Variants in SGSM3 observed in about 807,000 individuals in gnomAD.
The protein encoded by SGSM3 is RUN and SH3 containing 3.
In SGSM3, 96 loss-of-function variants were observed where a neutral mutation model predicts 100.5. The observed-to-expected ratio is 0.96, with a 90% CI of 0.81 to 1.13. The LOEUF (loss-of-function observed/expected upper bound fraction) is 1.13. SGSM3 is among the 50% of genes most tolerant of loss of function. The pLI is 0.00. For synonymous variants in SGSM3, 483 were observed against 422.8 expected, an observed-to-expected ratio of 1.14 and a Z score of -1.75; for missense variants, 1,001 against 1,015.8, an observed-to-expected ratio of 0.99 and a Z score of 0.20.
chr22:40,409,425 G>T (rs1274473197), intron 20 of SGSM3, 40 bp from the exon 21 acceptor site: 1 of 1,568,234 alleles, frequency 6.4e-7, no homozygotes. Context: ...AGGGCTAGCT[G>T]GGGGTGACAA....
chr22:40,410,095 C>CTGTCTGTCT lies in SGSM3; in HGVS notation c.*341_*342insGTCTTGTCT. ...TCTTTGGTTTATAAATAAACTGTGT[C>CTGTCTGTCT]TGTCTTTGAGAAAGCACCTACCTGT... On this transcript the variant is annotated 3_prime_UTR_variant, in exon 22 of 22. Transcript: ENST00000248929. The CTGTCTGTCT allele has an allele frequency of 8.3e-7, 1 of 1,199,602 alleles. No homozygotes were observed. Among genetic ancestry groups the CTGTCTGTCT allele is most frequent in the Non-Finnish European group, 1.0e-6 (1 of 965,490 alleles). 74.3% of individuals were successfully genotyped at this position (1,199,602 alleles called of 1,614,324 possible).
At chr22:40,381,157 CT>C (rs950258395) in intron 1 of SGSM3, among the ~76,000 whole-genome samples, 2 of 149,928 alleles carry the variant, frequency 1.3e-5, no homozygotes, top group Non-Finnish European at 3.0e-5. Context: ...TTTTCTTTTT[CT>C]TTTTTTTGAG....
Position 40,408,709 on chromosome 22 carries a change from C to G in SGSM3, c.1853+12C>G. On this transcript the variant is annotated intron_variant, in intron 17 of 21. Transcript: ENST00000248929. Reference sequence around the variant, plus strand: ...TGTAAGACCTTCAGGTAACTCGGCCCGGGTTCTTCTGGTGGGGTCACCAGC... The same window carrying G: ...TGTAAGACCTTCAGGTAACTCGGCCGGGGTTCTTCTGGTGGGGTCACCAGC... The G allele has an allele frequency of 3.7e-6, 6 of 1,613,980 alleles. No homozygotes were observed. Among genetic ancestry groups the G allele is most frequent in the Non-Finnish European group, 5.1e-6 (6 of 1,180,034 alleles).
chr22:40,404,752 C>G, intron 6 of SGSM3, 88 bp downstream of exon 6: 22 of 932,520 alleles, frequency 2.4e-5, no homozygotes, highest in Non-Finnish European at 3.7e-5. Flanking sequence ...TTAGAGTGTG[C>G]CCTTGTTGTG....
rs1244805399 is a variant in SGSM3 at position 40,407,900 on chromosome 22, G to C, written c.1579+57G>C. 6.5e-7 allele frequency: 1 copy of C among 1,542,968 alleles called. No homozygotes were observed. The highest frequency in any genetic ancestry group is 8.8e-7 in the Non-Finnish European group (1 of 1,131,530). ...GAGGGAGGAGGGGGTGGGCACAGAA[G>C]ACTTGGGTGACCCTGGCCGCCACCA... On this transcript the variant is annotated intron_variant, in intron 14 of 21. Transcript: ENST00000248929. This position sits in a 1 kb window ranked among gnomAD's most constrained non-coding sequence, Gnocchi z 4.7.
chr22:40,385,635 G>C (rs976312928), intron 1 of SGSM3, among the ~76,000 whole-genome samples: 1 of 152,212 alleles, frequency 6.6e-6, no homozygotes, highest in African/African-American at 2.4e-5. Context: ...CTTCGTTAAA[G>C]CTGGAGTACA....
At chr22:40,401,767 C>A in intron 3 of SGSM3, 92 bp downstream of exon 3, 1 of 1,027,734 alleles carries the variant, frequency 9.7e-7, no homozygotes, top group Non-Finnish European at 1.5e-6. Flanking sequence ...AAGAGGTGGC[C>A]AACTCACACA....
At chr22:40,383,851 G>A (rs1367978852) in intron 1 of SGSM3, among the ~76,000 whole-genome samples, 2 of 152,202 alleles carry the variant, frequency 1.3e-5, no homozygotes, top group African/African-American at 4.8e-5. Context: ...CAGAAAAGTG[G>A]CAGGGAGGGT....
chr22:40,384,939 C>G (rs1193062137), intron 1 of SGSM3, among the ~76,000 whole-genome samples: 1 of 152,152 alleles, frequency 6.6e-6, no homozygotes, highest in African/African-American at 2.4e-5. Context: ...TAGGGATGGA[C>G]TCCCCATTTG....
intron 7 of SGSM3, 68 bp downstream of exon 7, chr22:40,405,352 C>T: frequency 1.5e-6 from 2 of 1,375,250 alleles, no homozygotes; most frequent in South Asian, 1.6e-5. Flanking sequence ...CAAGGAGTGG[C>T]CTCCCGCTAC....
intron 1 of SGSM3, chr22:40,376,642 A>C (rs1206312696): frequency 2.0e-5 from 3 of 152,154 alleles, no homozygotes; most frequent in African/African-American, 7.2e-5. Flanking sequence ...CATCAACCCT[A>C]TGTATTGCTA....
intron 6 of SGSM3, 22 bp from the exon 7 acceptor site, chr22:40,405,119 G>C (rs374676237): frequency 6.7e-7 from 1 of 1,482,722 alleles, no homozygotes; most frequent in Non-Finnish European, 9.0e-7. Flanking sequence ...TGTTATTGTG[G>C]GTGCCGATGG....
In SGSM3 at chr22:40,405,651, GGCCGCCT is replaced by G. The variant is rs1419828666; in HGVS notation, c.625_631del (p.Ala209SerfsTer13). The G allele has an allele frequency of 1.9e-6, 3 of 1,612,004 alleles. No homozygotes were observed. Among genetic ancestry groups the G allele is most frequent in the East Asian group, 2.2e-5 (1 of 44,870 alleles). ...CCTTGTCCCTGTGCCCTGGCCAGGT[GGCCGCCT>G]GCCTCCTGCTGTTCCTGGAGGAGGA... On this transcript the variant is annotated frameshift_variant, in exon 8 of 22. Coordinates refer to ENST00000248929, the MANE Select transcript of SGSM3 (RefSeq NM_015705.6). LOFTEE classifies it high-confidence loss of function.
intron 4 of SGSM3, 119 bp from the exon 5 acceptor site, chr22:40,404,128 T>A: frequency 1.3e-6 from 1 of 766,676 alleles, no homozygotes; most frequent in Non-Finnish European, 2.0e-6. Flanking sequence ...CTGGATATGG[T>A]GGGAGAGAGC....
At chr22:40,394,136 G>A (rs530030119) in intron 1 of SGSM3, among the ~76,000 whole-genome samples, 1 of 152,242 alleles carries the variant, frequency 6.6e-6, no homozygotes, top group East Asian at 1.9e-4. Flanking sequence ...CTAGTTCTGC[G>A]CTATGCTGAT....
At position 40,408,267 on chromosome 22, in the gene SGSM3, C is replaced by T. The variant is rs780596528; in HGVS notation, c.1630-10C>T. 5 of 1,613,134 alleles carry T rather than the reference C, an allele frequency of 3.1e-6. No homozygotes were observed. The highest frequency in any genetic ancestry group is 4.2e-6 in the Non-Finnish European group (5 of 1,179,666). ...AGGCAGGGCTTTCTCAGACCCATCC[C>T]TCCCATCAGTACTCCATCGCGGGGG... On this transcript the variant is annotated splice_polypyrimidine_tract_variant and intron_variant, in intron 15 of 21. Transcript: ENST00000248929.
rs371847138 is a variant in SGSM3 at position 40,407,834 on chromosome 22, G to A, written c.1570G>A (p.Gly524Ser). The A allele has an allele frequency of 2.1e-5, 34 of 1,612,382 alleles. No homozygotes were observed. Among genetic ancestry groups the A allele is most frequent in the Non-Finnish European group, 2.7e-5 (32 of 1,179,172 alleles). Residue 524 changes from glycine to serine, a missense_variant, in exon 14 of 22, where the codon GGC (glycine) becomes AGC (serine). Coordinates refer to ENST00000248929, the MANE Select transcript of SGSM3 (RefSeq NM_015705.6). This position sits in a 1 kb window ranked among gnomAD's most constrained non-coding sequence, Gnocchi z 4.7. ...DEHCWVGELNGLRGWFPAKFV... is the reference protein window; with the variant it reads ...DEHCWVGELNSLRGWFPAKFV... ...GCACTGCTGGGTGGGGGAGCTCAAC[G>A]GCCTGCGAGGTGGGGTCCTTGGTCT...
In SGSM3 at chr22:40,408,382, C is replaced by A. The variant is rs1301854241; in HGVS notation, c.1735C>A (p.Pro579Thr). 6.2e-7 allele frequency: 1 copy of A among 1,613,556 alleles called. No homozygotes were observed. The highest frequency in any genetic ancestry group is 1.7e-5 in the Admixed American group (1 of 60,024). Residue 579 changes from proline to threonine, a missense_variant, in exon 16 of 22, where the codon CCA becomes ACA. Pro to Thr is a conservative substitution (Grantham distance 38, BLOSUM62 -1). Transcript: ENST00000248929. ...KALFEHGLKK[P>T]SLLGGACHPW... Reference sequence around the variant, plus strand: ...CCTGTTCGAACATGGACTGAAGAAGCCATCCCTGCTTGGGGGCGCCTGCCA... The same window carrying A: ...CCTGTTCGAACATGGACTGAAGAAGACATCCCTGCTTGGGGGCGCCTGCCA...
intron 2 of SGSM3, 70 bp from the exon 3 acceptor site, chr22:40,401,523 G>T: frequency 8.0e-7 from 1 of 1,244,184 alleles, no homozygotes. Context: ...TGAGATTACA[G>T]GCGTGAGCCA....
Sources: allele counts gnomAD v4.1 joint callset (sites outside exome capture counted in the v4.1 genomes callset), GRCh38; gene constraint gnomAD v4.1.1; non-coding constraint Gnocchi (gnomAD v3.1); transcripts MANE v1.5; gene names NCBI Gene and HGNC (gene_info 2026-07-23, HGNC 2026-07-21).